CRCP: variants seen among roughly 807,000 people sequenced by gnomAD.
CRCP encodes the protein CGRP receptor component.
In CRCP, 18 loss-of-function variants were observed where a neutral mutation model predicts 18.5. That is an observed-to-expected ratio of 0.97 (90% CI 0.67 to 1.44). The LOEUF (loss-of-function observed/expected upper bound fraction) is 1.44. Among genes scored for constraint, CRCP ranks in the 40% most tolerant of loss-of-function variants. CRCP has a pLI of 0.00. For synonymous variants in CRCP, 53 were observed against 62.9 expected (o/e 0.84, Z 0.75); for missense variants, 130 against 176.4 (o/e 0.74, Z 1.49).
chr7:66,126,528 T>G, intron 1 of CRCP: 1 of 303,776 alleles, frequency 3.3e-6, no homozygotes, highest in South Asian at 2.6e-5. Flanking sequence ...TTCTGAGTCT[T>G]GTGCTTTATC....
intron 4 of CRCP, among the ~76,000 whole-genome samples, chr7:66,136,545 G>A (rs140565232): frequency 0.036 from 5,523 of 151,868 alleles, 160 homozygotes; most frequent in East Asian, 0.083. Context: ...TGTATTTTTA[G>A]TAGAGATGGG....
intron 1 of CRCP, among the ~76,000 whole-genome samples, chr7:66,115,805 TTTAA>T (rs1787243100): frequency 6.6e-6 from 1 of 152,224 alleles, no homozygotes; most frequent in African/African-American, 2.4e-5. Context: ...TTTTTACATT[TTTAA>T]TTAATTGTTT....
intron 4 of CRCP, among the ~76,000 whole-genome samples, chr7:66,138,706 A>C (rs551816164): frequency 9.9e-5 from 15 of 150,766 alleles, no homozygotes; most frequent in African/African-American, 3.7e-4. Context: ...AGATAGGAGA[A>C]TGGCGTGAAC....
At chr7:66,145,555 G>T in intron 5 of CRCP, 55 bp downstream of exon 5, 1 of 1,587,636 alleles carries the variant, frequency 6.3e-7, no homozygotes, top group South Asian at 1.1e-5. Context: ...GATGTAGAAT[G>T]GCTGTGGTGG....
At chr7:66,138,522 A>G (rs1788036081) in intron 4 of CRCP, among the ~76,000 whole-genome samples, 1 of 150,440 alleles carries the variant, frequency 6.6e-6, no homozygotes, top group Middle Eastern at 3.2e-3. Context: ...GCGGTGGCTC[A>G]CGCCTGTAAT....
chr7:66,145,392 C>T, intron 4 of CRCP, 51 bp from the exon 5 acceptor site: 1 of 1,590,414 alleles, frequency 6.3e-7, no homozygotes, highest in Non-Finnish European at 8.6e-7. Context: ...TCAGTCAGGA[C>T]TCAGGACTTA....
chr7:66,127,846 G>A, intron 2 of CRCP, 106 bp downstream of exon 2: 1 of 1,230,290 alleles, frequency 8.1e-7, no homozygotes, highest in Non-Finnish European at 1.2e-6. Flanking sequence ...GGGTGCAGTG[G>A]TTCACGCCTG....
In CRCP at chr7:66,114,977, C is replaced by A; in HGVS notation, c.8+7C>A. The A allele has an allele frequency of 1.9e-6, 3 of 1,609,304 alleles. No individual in the cohort carries two copies. The highest frequency in any genetic ancestry group is 2.6e-6 in the Non-Finnish European group (3 of 1,176,262). ...GGCGGGACGTCATGGAAGTGTAAGT[C>A]TTCTCGGGCGCGTCCCTTTTCGCCC... On this transcript the variant is annotated splice_region_variant and intron_variant, in intron 1 of 5. Coordinates refer to ENST00000395326, the MANE Select transcript of CRCP (RefSeq NM_014478.5).
At chr7:66,126,060 G>A (rs974361743) in intron 1 of CRCP, among the ~76,000 whole-genome samples, 1 of 149,366 alleles carries the variant, frequency 6.7e-6, no homozygotes, top group African/African-American at 2.4e-5. Flanking sequence ...TTTCAAATAT[G>A]ATACTCTTTG....
chr7:66,148,348 CAA>C (rs1442611895), intron 5 of CRCP, among the ~76,000 whole-genome samples: 6 of 152,136 alleles, frequency 3.9e-5, no homozygotes, highest in African/African-American at 1.4e-4. Context: ...GCCTGGGCGA[CAA>C]GAGCGAAACT....
chr7:66,137,151 C>T (rs973415597), intron 4 of CRCP, among the ~76,000 whole-genome samples: 3 of 151,988 alleles, frequency 2.0e-5, no homozygotes, highest in African/African-American at 7.2e-5. Context: ...CAATACTGAA[C>T]CTTCTAGTCC....
intron 4 of CRCP, among the ~76,000 whole-genome samples, chr7:66,142,749 A>G (rs1788177612): frequency 6.6e-6 from 1 of 152,138 alleles, no homozygotes; most frequent in South Asian, 2.1e-4. Flanking sequence ...CTCCTACTTT[A>G]GCCTCCCAAA....
intron 2 of CRCP, 105 bp downstream of exon 2, chr7:66,127,845 G>T: frequency 8.0e-7 from 1 of 1,257,792 alleles, no homozygotes; most frequent in South Asian, 1.2e-5. Context: ...TGGGTGCAGT[G>T]GTTCACGCCT....
At chr7:66,135,164 A>G (rs1354988450) in intron 4 of CRCP, among the ~76,000 whole-genome samples, 2 of 152,224 alleles carry the variant, frequency 1.3e-5, no homozygotes, top group Admixed American at 1.3e-4. Context: ...TGGTTCTTAC[A>G]GACGCAGTGC....
At chr7:66,120,358 G>A (rs1341187194) in intron 1 of CRCP, among the ~76,000 whole-genome samples, 1 of 152,162 alleles carries the variant, frequency 6.6e-6, no homozygotes, top group Non-Finnish European at 1.5e-5. Context: ...TAAGTGAAAT[G>A]GTTTGAATCA....
At position 66,145,437 on chromosome 7, in the gene CRCP, C is replaced by T. The variant is rs745732727; in HGVS notation, c.240-6C>T. 2.5e-6 allele frequency: 4 copies of T among 1,613,666 alleles called. No individual in the cohort carries two copies. In the East Asian group the frequency reaches 8.9e-5, roughly 36 times the overall value. On this transcript the variant is annotated splice_region_variant and splice_polypyrimidine_tract_variant and intron_variant, in intron 4 of 5. Transcript: ENST00000395326. ...GAGTTGTCAACGCTGTACTTTCCCTCCACAGAGCTGAGAAGCTCCAGCTGC... is the reference window on the plus strand; with the variant it reads ...GAGTTGTCAACGCTGTACTTTCCCTTCACAGAGCTGAGAAGCTCCAGCTGC...
At chr7:66,151,965 T>C (rs1788489440) in intron 5 of CRCP, among the ~76,000 whole-genome samples, 3 of 151,904 alleles carry the variant, frequency 2.0e-5, no homozygotes, top group South Asian at 4.1e-4. Flanking sequence ...TCCTTTTCTT[T>C]AAAGAAAAAT....
chr7:66,143,676 A>T (rs1454072732), intron 4 of CRCP, among the ~76,000 whole-genome samples: 2 of 152,224 alleles, frequency 1.3e-5, no homozygotes, highest in African/African-American at 4.8e-5. Flanking sequence ...GACAGATGGC[A>T]TTATGACACT....
chr7:66,116,842 G>A (rs948157544), intron 1 of CRCP, among the ~76,000 whole-genome samples: 5 of 151,890 alleles, frequency 3.3e-5, no homozygotes, highest in African/African-American at 7.3e-5. Context: ...CTGAACCAGC[G>A]GGGCGTGGTG....
Sources: gnomAD v4.1 joint callset for allele counts (sites outside exome capture counted in the v4.1 genomes callset) on GRCh38, gnomAD v4.1.1 for gene constraint, MANE v1.5 for transcripts, NCBI Gene and HGNC (gene_info 2026-07-23, HGNC 2026-07-21) for gene names.